RABGAP1L: variants seen among roughly 807,000 people sequenced by gnomAD.
RABGAP1L encodes the protein rab GTPase-activating protein 1-like.
A neutral mutation model predicts 137.7 loss-of-function variants in RABGAP1L; 63 were observed. The observed-to-expected ratio is 0.46, with a 90% CI of 0.37 to 0.56. The LOEUF (loss-of-function observed/expected upper bound fraction) is 0.56, where lower values mean the gene tolerates loss of function less well. Ranked by LOEUF, RABGAP1L falls within the 20% of genes least tolerant of loss-of-function variation. The probability of loss-of-function intolerance (pLI) is 0.00; values close to 1 mark genes in which losing one functional copy is unlikely to be tolerated. For synonymous variants in RABGAP1L, 431 were observed against 433.7 expected, an observed-to-expected ratio of 0.99 and a Z score of 0.08; for missense variants, 1,095 against 1,244.0, an observed-to-expected ratio of 0.88 and a Z score of 1.80.
At chr1:174,919,072 GCAATGGCACGATCTCGGCTCACTGCAAC>G (rs1271836719) in intron 19 of RABGAP1L, among the ~76,000 whole-genome samples, 4 of 150,468 alleles carry the variant, frequency 2.7e-5, no homozygotes, top group Non-Finnish European at 4.4e-5. Context: ...AGGCTGGGGT[GCAATGGCACGATCTCGGCTCACTGCAAC>G]CTCCGCCTCC....
At chr1:174,505,652 G>C (rs763228628) in intron 13 of RABGAP1L, among the ~76,000 whole-genome samples, 1 of 152,070 alleles carries the variant, frequency 6.6e-6, no homozygotes, top group Non-Finnish European at 1.5e-5. Context: ...CAAAAGATAA[G>C]TGTCAATGAG....
intron 17 of RABGAP1L, among the ~76,000 whole-genome samples, chr1:174,704,090 C>T (rs773479797): frequency 2.0e-5 from 3 of 152,124 alleles, no homozygotes; most frequent in Non-Finnish European, 4.4e-5. Flanking sequence ...CTCCACCTGC[C>T]GGGTTCAAGC....
At chr1:174,263,181 C>A (rs1363927182) in intron 7 of RABGAP1L, among the ~76,000 whole-genome samples, 1 of 152,220 alleles carries the variant, frequency 6.6e-6, no homozygotes, top group African/African-American at 2.4e-5. Context: ...GCCTGCCAGC[C>A]TTTGCTGGCT....
At chr1:174,193,035 G>A (rs1307098645) in intron 1 of RABGAP1L, among the ~76,000 whole-genome samples, 1 of 152,196 alleles carries the variant, frequency 6.6e-6, no homozygotes, top group Non-Finnish European at 1.5e-5. Flanking sequence ...GAATACAGTT[G>A]AGTGATGACT....
intron 19 of RABGAP1L, among the ~76,000 whole-genome samples, chr1:174,863,292 A>G (rs1241105040): frequency 6.7e-6 from 1 of 148,534 alleles, no homozygotes; most frequent in South Asian, 2.1e-4. Context: ...TCTCCCTTCA[A>G]CCTCTTAGTA....
At chr1:174,816,951 G>A (rs776662454) in intron 19 of RABGAP1L, among the ~76,000 whole-genome samples, 5 of 151,942 alleles carry the variant, frequency 3.3e-5, no homozygotes, top group Non-Finnish European at 5.9e-5. Context: ...GGATAGTCTC[G>A]ATCTCCTGAT....
chr1:174,746,748 A>G (rs1292970778), intron 17 of RABGAP1L, among the ~76,000 whole-genome samples: 1 of 152,232 alleles, frequency 6.6e-6, no homozygotes, highest in Non-Finnish European at 1.5e-5. Flanking sequence ...CTTATTAGCT[A>G]TTGGACTTAG....
intron 13 of RABGAP1L, among the ~76,000 whole-genome samples, chr1:174,596,136 C>T (rs1242600214): frequency 7.3e-6 from 1 of 137,498 alleles, no homozygotes; most frequent in Non-Finnish European, 1.5e-5. Context: ...GTCCGTCACC[C>T]CTTTCTTTGA....
At chr1:174,497,699 C>G (rs1272054618) in intron 13 of RABGAP1L, among the ~76,000 whole-genome samples, 2 of 152,202 alleles carry the variant, frequency 1.3e-5, no homozygotes, top group Non-Finnish European at 1.5e-5. Context: ...TACAGATTCC[C>G]TTGCTGTTTT....
At chr1:174,651,919 T>G (rs1273945580) in intron 14 of RABGAP1L, among the ~76,000 whole-genome samples, 4 of 152,198 alleles carry the variant, frequency 2.6e-5, no homozygotes. Flanking sequence ...TGATGCAGTT[T>G]TTTCCTAGAC....
intron 12 of RABGAP1L, among the ~76,000 whole-genome samples, chr1:174,383,122 C>T (rs1420909314): frequency 2.7e-5 from 4 of 150,504 alleles, no homozygotes; most frequent in African/African-American, 9.9e-5. Flanking sequence ...GGTCAGGGAC[C>T]CACTTGAGGA....
intron 13 of RABGAP1L, among the ~76,000 whole-genome samples, chr1:174,451,160 A>G (rs568833955): frequency 4.6e-5 from 7 of 152,326 alleles, no homozygotes; most frequent in Admixed American, 4.6e-4. Flanking sequence ...CCTGTTTGCC[A>G]GTGGCATCTT....
intron 19 of RABGAP1L, among the ~76,000 whole-genome samples, chr1:174,839,242 A>G (rs891838069): frequency 1.2e-4 from 18 of 152,144 alleles, no homozygotes; most frequent in African/African-American, 4.3e-4. Flanking sequence ...ACTACTTTCC[A>G]TGAGTTCCCA....
intron 13 of RABGAP1L, among the ~76,000 whole-genome samples, chr1:174,629,904 G>A (rs756241510): frequency 6.6e-4 from 100 of 152,190 alleles, no homozygotes; most frequent in Non-Finnish European, 4.3e-4. Context: ...GGAAGGTCAA[G>A]TGTGCATAGA....
intron 19 of RABGAP1L, among the ~76,000 whole-genome samples, chr1:174,864,452 C>T (rs1232988281): frequency 6.6e-6 from 1 of 152,156 alleles, no homozygotes; most frequent in Non-Finnish European, 1.5e-5. Context: ...GCTGGGGAGG[C>T]CTCAGGAAAC....
intron 11 of RABGAP1L, among the ~76,000 whole-genome samples, chr1:174,324,607 G>T (rs774199963): frequency 2.0e-5 from 3 of 152,166 alleles, no homozygotes; most frequent in Non-Finnish European, 4.4e-5. Context: ...GAAGCAATGA[G>T]AATGGCTGAA....
At chr1:174,722,034 C>T (rs544700555) in intron 17 of RABGAP1L, among the ~76,000 whole-genome samples, 182 of 152,196 alleles carry the variant, frequency 1.2e-3, no homozygotes, top group African/African-American at 4.1e-3. Context: ...CTGGTTCAAG[C>T]GATTCTTCTG....
intron 13 of RABGAP1L, among the ~76,000 whole-genome samples, chr1:174,521,010 T>A (rs1441039579): frequency 6.6e-6 from 1 of 152,162 alleles, no homozygotes; most frequent in African/African-American, 2.4e-5. Context: ...AAAAAAACAG[T>A]GTTTTAGTTT....
intron 11 of RABGAP1L, among the ~76,000 whole-genome samples, chr1:174,331,992 G>A (rs1681074515): frequency 6.6e-6 from 1 of 152,262 alleles, no homozygotes; most frequent in Middle Eastern, 3.4e-3. Flanking sequence ...TCCCAGGCTG[G>A]AGTGCAGTGG....
Sources: allele counts gnomAD v4.1 joint callset (sites outside exome capture counted in the v4.1 genomes callset), GRCh38; gene constraint gnomAD v4.1.1; transcripts MANE v1.5; gene names NCBI Gene and HGNC (gene_info 2026-07-23, HGNC 2026-07-21).